SCFD2: variants seen among roughly 807,000 people sequenced by gnomAD.
The protein encoded by SCFD2 is sec1 family domain containing 2.
In SCFD2, 54 loss-of-function variants were observed where a neutral mutation model predicts 58.9. The ratio of observed to expected loss-of-function variants is 0.92; its 90% CI spans 0.74 to 1.15. The LOEUF (loss-of-function observed/expected upper bound fraction) is 1.15, where lower values mean the gene tolerates loss of function less well. Among genes scored for constraint, SCFD2 ranks in the 50% most tolerant of loss-of-function variants. The probability of loss-of-function intolerance (pLI) is 0.00; values close to 1 mark genes in which losing one functional copy is unlikely to be tolerated. For missense variants in SCFD2, 805 were observed against 836.6 expected (o/e 0.96, Z 0.47); for synonymous variants, 321 against 335.9 (o/e 0.96, Z 0.49).
chr4:53,335,217 C>CA lies in SCFD2; in HGVS notation c.1007+17380dup, dbSNP rs1271483162. Among the ~76,000 whole-genome samples, 314 of 115,036 alleles carry CA rather than the reference C, an allele frequency of 2.7e-3. 2 individuals are homozygous for CA. The highest frequency in any genetic ancestry group is 6.3e-3 in the East Asian group (26 of 4,098). 75.5% of individuals were successfully genotyped at this position (115,036 alleles called of 152,430 possible). A position where few individuals can be genotyped will look rare whatever the true frequency, so the allele number is the denominator to read the frequency against. ...CTCAAAAAAAAAAAAAAAAAAACAA[C>CA]AAAAAAAAAAACAACAACAACAACC... On this transcript the variant is annotated intron_variant, in intron 2 of 8. Transcript: ENST00000401642.
chr4:53,295,312 T>A (rs545129303), intron 3 of SCFD2, among the ~76,000 whole-genome samples: 1 of 152,308 alleles, frequency 6.6e-6, no homozygotes, highest in East Asian at 1.9e-4. Flanking sequence ...CCTCTCTGAT[T>A]TCCTTGAGTC....
intron 4 of SCFD2, among the ~76,000 whole-genome samples, chr4:53,222,032 A>C (rs569419406): frequency 6.6e-6 from 1 of 152,344 alleles, no homozygotes; most frequent in South Asian, 2.1e-4. Context: ...GTTCCTGGCC[A>C]CATTGTTTTT....
intron 5 of SCFD2, among the ~76,000 whole-genome samples, chr4:53,009,737 T>G (rs1722055424): frequency 6.6e-6 from 1 of 152,214 alleles, no homozygotes; most frequent in Non-Finnish European, 1.5e-5. Flanking sequence ...TTATGGCATC[T>G]GAGCTCTCCC....
At chr4:53,222,966 A>G (rs1729092243) in intron 4 of SCFD2, among the ~76,000 whole-genome samples, 1 of 152,140 alleles carries the variant, frequency 6.6e-6, no homozygotes, top group Non-Finnish European at 1.5e-5. Context: ...CTTTCCCCCA[A>G]AAGAGCACGG....
intron 5 of SCFD2, among the ~76,000 whole-genome samples, chr4:53,127,863 AG>A (rs1725673676): frequency 6.6e-6 from 1 of 151,884 alleles, no homozygotes; most frequent in Non-Finnish European, 1.5e-5. Flanking sequence ...CCAGACAGAG[AG>A]GACACGGTGG....
chr4:52,950,837 T>C (rs1207720185), intron 5 of SCFD2: 1 of 151,770 alleles, frequency 6.6e-6, no homozygotes, highest in Non-Finnish European at 1.5e-5. Context: ...AAATGTGTCA[T>C]GGAGATGCCT....
intron 6 of SCFD2, among the ~76,000 whole-genome samples, chr4:52,920,258 A>C (rs1263749143): frequency 6.6e-6 from 1 of 152,234 alleles, no homozygotes; most frequent in Non-Finnish European, 1.5e-5. Flanking sequence ...GCAGTGGAGG[A>C]ATTTTAAATA....
intron 5 of SCFD2, among the ~76,000 whole-genome samples, chr4:53,118,752 G>A (rs115829101): frequency 0.011 from 1,731 of 152,180 alleles, 17 homozygotes; most frequent in Middle Eastern, 0.034. Context: ...GGATACATTC[G>A]ATTCTGACTC....
intron 4 of SCFD2, among the ~76,000 whole-genome samples, chr4:53,266,169 A>G (rs1706186873): frequency 6.6e-6 from 1 of 152,168 alleles, no homozygotes; most frequent in Admixed American, 6.5e-5. Flanking sequence ...AGTAAATATA[A>G]AAAGATAGTA....
At chr4:52,992,421 G>C (rs916144986) in intron 5 of SCFD2, among the ~76,000 whole-genome samples, 1 of 152,220 alleles carries the variant, frequency 6.6e-6, no homozygotes, top group Non-Finnish European at 1.5e-5. Context: ...CCAAAGTGCC[G>C]AGATTGCAGC....
intron 4 of SCFD2, among the ~76,000 whole-genome samples, chr4:53,228,908 C>A (rs923772144): frequency 1.3e-5 from 2 of 152,186 alleles, no homozygotes; most frequent in Admixed American, 1.3e-4. Context: ...AGCTGATAGG[C>A]AACTTCAGCA....
intron 3 of SCFD2, among the ~76,000 whole-genome samples, chr4:53,281,092 A>C (rs1383389520): frequency 6.6e-6 from 1 of 152,046 alleles, no homozygotes; most frequent in Non-Finnish European, 1.5e-5. Context: ...ATTCGACCTG[A>C]TCTCCATTGC....
chr4:53,262,270 T>G (rs941991448), intron 4 of SCFD2, among the ~76,000 whole-genome samples: 1 of 152,210 alleles, frequency 6.6e-6, no homozygotes, highest in Non-Finnish European at 1.5e-5. Context: ...TATTAAGATG[T>G]CAGGTACTAT....
chr4:53,094,023 G>A (rs1724547078), intron 5 of SCFD2, among the ~76,000 whole-genome samples: 1 of 152,098 alleles, frequency 6.6e-6, no homozygotes, highest in African/African-American at 2.4e-5. Context: ...ACTGGGGAAA[G>A]AAACACGAGA....
chr4:53,026,071 C>T (rs1443165655), intron 5 of SCFD2, among the ~76,000 whole-genome samples: 2 of 147,514 alleles, frequency 1.4e-5, no homozygotes, highest in African/African-American at 2.7e-5. Context: ...AAGCTATCAC[C>T]ACCAGAAAAA....
chr4:53,249,149 C>T (rs1383868117), intron 4 of SCFD2, among the ~76,000 whole-genome samples: 3 of 151,886 alleles, frequency 2.0e-5, no homozygotes, highest in Non-Finnish European at 4.4e-5. Context: ...TCGAGAACTA[C>T]GTGAAGAATG....
At chr4:53,342,966 G>T (rs1232189904) in intron 2 of SCFD2, among the ~76,000 whole-genome samples, 1 of 152,194 alleles carries the variant, frequency 6.6e-6, no homozygotes, top group Non-Finnish European at 1.5e-5. Context: ...CCAGTATGTA[G>T]AGGGAAATTT....
intron 4 of SCFD2, among the ~76,000 whole-genome samples, chr4:53,167,610 T>C (rs995101297): frequency 6.6e-5 from 10 of 152,236 alleles, no homozygotes; most frequent in Non-Finnish European, 1.2e-4. Flanking sequence ...AGTCCGTATA[T>C]ATAATCCAAC....
chr4:53,248,386 A>C (rs1409970066), intron 4 of SCFD2, among the ~76,000 whole-genome samples: 1 of 152,244 alleles, frequency 6.6e-6, no homozygotes, highest in Non-Finnish European at 1.5e-5. Context: ...AAGTAAACAA[A>C]GCAGCCAGGA....
Sources: allele counts gnomAD v4.1 joint callset (sites outside exome capture counted in the v4.1 genomes callset), GRCh38; gene constraint gnomAD v4.1.1; transcripts MANE v1.5; gene names NCBI Gene and HGNC (gene_info 2026-07-23, HGNC 2026-07-21).